AGMO: variants seen among roughly 807,000 people sequenced by gnomAD.
AGMO encodes alkylglycerol monooxygenase, also known as glyceryl-ether monooxygenase.
Under a neutral mutation model 60.2 loss-of-function variants are expected in AGMO, and 75 were observed. That is an observed-to-expected ratio of 1.25 (90% CI 1.03 to 1.51). The LOEUF is 1.51. AGMO is among the 40% of genes most tolerant of loss of function. The probability of loss-of-function intolerance (pLI) is 0.00; values close to 1 mark genes in which losing one functional copy is unlikely to be tolerated. For missense variants in AGMO, 763 were observed against 525.5 expected, an observed-to-expected ratio of 1.45 and a Z score of -4.42; for synonymous variants, 261 against 177.1, an observed-to-expected ratio of 1.47 and a Z score of -3.76.
At chr7:15,346,132 T>C (rs979975679) in intron 12 of AGMO, among the ~76,000 whole-genome samples, 1 of 152,138 alleles carries the variant, frequency 6.6e-6, no homozygotes, top group Non-Finnish European at 1.5e-5. Context: ...TTCAGATAAG[T>C]TTTGCCATAT....
chr7:15,517,309 TGTG>T (rs1375847088), intron 3 of AGMO, among the ~76,000 whole-genome samples: 1 of 150,504 alleles, frequency 6.6e-6, no homozygotes, highest in Non-Finnish European at 1.5e-5. Context: ...TTTAATCTAG[TGTG>T]GGGTGTGTGT....
chr7:15,499,932 C>CACAT (rs146144087), intron 3 of AGMO, among the ~76,000 whole-genome samples: 16 of 138,986 alleles, frequency 1.2e-4, no homozygotes, highest in East Asian at 4.3e-4. Flanking sequence ...CACACACACA[C>CACAT]ATATATATAT....
intron 10 of AGMO, among the ~76,000 whole-genome samples, chr7:15,385,125 A>C (rs1783862134): frequency 6.6e-6 from 1 of 152,176 alleles, no homozygotes; most frequent in Admixed American, 6.5e-5. Context: ...AATTTCCCAC[A>C]CATTTAATTC....
At chr7:15,513,987 T>C (rs571290710) in intron 3 of AGMO, among the ~76,000 whole-genome samples, 5 of 152,180 alleles carry the variant, frequency 3.3e-5, no homozygotes, top group Non-Finnish European at 7.3e-5. Context: ...TTTTGGAGTG[T>C]CTTCTTCCTC....
At chr7:15,183,395 T>G in the AGMO span, among the ~76,000 whole-genome samples, 1 of 152,202 alleles carries the variant, frequency 6.6e-6, no homozygotes, top group Non-Finnish European at 1.5e-5. Flanking sequence ...TCTTATTACC[T>G]ATCATAATAT....
intron 4 of AGMO, among the ~76,000 whole-genome samples, chr7:15,419,970 C>G (rs561574758): frequency 3.9e-5 from 6 of 152,176 alleles, no homozygotes; most frequent in African/African-American, 1.4e-4. Flanking sequence ...CAGCAAAATA[C>G]TTGCAAAACA....
chr7:15,128,313 T>C, the AGMO span, among the ~76,000 whole-genome samples: 1 of 152,148 alleles, frequency 6.6e-6, no homozygotes, highest in Non-Finnish European at 1.5e-5. Flanking sequence ...AAGGAAGAGA[T>C]GAATTTAATG....
In AGMO at chr7:15,431,940, TC is replaced by T. The variant is rs150770855; in HGVS notation, c.410-833del. ...AGTAGTTGACACAGAATAGCCCAAG[TC>T]ATTTTTTATTCTGCCCATATTTTAA... On this transcript the variant is annotated intron_variant, in intron 3 of 12. Transcript: ENST00000342526. Among the ~76,000 whole-genome samples, 662 of 151,968 alleles carry T rather than the reference TC, an allele frequency of 4.4e-3. 5 individuals are homozygous for T. The highest frequency in any genetic ancestry group is 0.015 in the African/African-American group (633 of 41,542).
At chr7:15,122,053 A>G in the AGMO span, among the ~76,000 whole-genome samples, 1 of 152,154 alleles carries the variant, frequency 6.6e-6, no homozygotes, top group African/African-American at 2.4e-5. Context: ...TAAAATTGAC[A>G]AATGGGATAT....
chr7:15,263,827 A>G (rs1000081391), intron 12 of AGMO, among the ~76,000 whole-genome samples: 1 of 152,178 alleles, frequency 6.6e-6, no homozygotes, highest in East Asian at 1.9e-4. Context: ...AAAACCAAAC[A>G]TCGTATGTTC....
intron 10 of AGMO, among the ~76,000 whole-genome samples, chr7:15,379,050 G>C (rs1783571992): frequency 6.6e-6 from 1 of 151,904 alleles, no homozygotes; most frequent in South Asian, 2.1e-4. Flanking sequence ...TTTCAAAGAA[G>C]TTCTTTGAAA....
chr7:15,163,979 G>A, the AGMO span, among the ~76,000 whole-genome samples: 2 of 151,788 alleles, frequency 1.3e-5, no homozygotes, highest in Non-Finnish European at 2.9e-5. Flanking sequence ...ATTGTTGTTG[G>A]GAGATTTCTT....
chr7:15,521,379 G>C (rs993043297), intron 3 of AGMO, among the ~76,000 whole-genome samples: 5 of 152,018 alleles, frequency 3.3e-5, no homozygotes, highest in African/African-American at 1.2e-4. Flanking sequence ...CCAAAACCTG[G>C]CAGAGGCACA....
chr7:15,365,897 G>T (rs1037149747), intron 11 of AGMO, among the ~76,000 whole-genome samples: 2 of 151,572 alleles, frequency 1.3e-5, no homozygotes, highest in African/African-American at 4.9e-5. Context: ...AAATTTCTAG[G>T]GTTTAAAGTA....
chr7:15,144,719 A>G, the AGMO span, among the ~76,000 whole-genome samples: 2 of 152,188 alleles, frequency 1.3e-5, no homozygotes, highest in Admixed American at 1.3e-4. Flanking sequence ...AAATTACATC[A>G]CCATTTAAAT....
the AGMO span, among the ~76,000 whole-genome samples, chr7:15,176,298 T>C: frequency 1.3e-5 from 2 of 151,924 alleles, no homozygotes; most frequent in South Asian, 4.1e-4. Context: ...GGAATATAGA[T>C]GGACTAAGAC....
At chr7:15,273,097 G>A (rs552989514) in intron 12 of AGMO, among the ~76,000 whole-genome samples, 9 of 152,092 alleles carry the variant, frequency 5.9e-5, no homozygotes, top group Non-Finnish European at 1.3e-4. Flanking sequence ...CTCTGATGGT[G>A]GTTTCTTTTG....
chr7:15,203,482 TTTTTTTTTTCTTTTC>T (rs1300243306), intron 12 of AGMO, among the ~76,000 whole-genome samples: 1 of 148,682 alleles, frequency 6.7e-6, no homozygotes, highest in African/African-American at 2.5e-5. Context: ...AGCAGTCTTA[TTTTTTTTTTCTTTTC>T]TTTTTTTTTG....
At position 15,299,886 on chromosome 7, in the gene AGMO, C is replaced by CACACACACACAA. The variant is rs774065679; in HGVS notation, c.1263+65627_1263+65628insTTGTGTGTGTGT. On this transcript the variant is annotated intron_variant, in intron 12 of 12. Coordinates refer to ENST00000342526, the MANE Select transcript of AGMO (RefSeq NM_001004320.2). ...ACACACACACACACACACACACACA[C>CACACACACACAA]AGTATGTTTTGTGTTCAACATATCC... 2.2e-3 allele frequency among the ~76,000 whole-genome samples: 258 copies of CACACACACACAA among 114,686 alleles called. 6 individuals carry two copies. The highest frequency in any genetic ancestry group is 5.2e-3 in the East Asian group (22 of 4,268). 75.2% of individuals were successfully genotyped at this position (114,686 alleles called of 152,430 possible). A position where few individuals can be genotyped will look rare whatever the true frequency, so the allele number is the denominator to read the frequency against.
Sources: gnomAD v4.1 joint callset for allele counts (sites outside exome capture counted in the v4.1 genomes callset) on GRCh38, gnomAD v4.1.1 for gene constraint, MANE v1.5 for transcripts, NCBI Gene and HGNC (gene_info 2026-07-23, HGNC 2026-07-21) for gene names.